CSMD1: variants seen among roughly 807,000 people sequenced by gnomAD.
CSMD1 encodes the protein CUB and sushi domain-containing protein 1.
Under a neutral mutation model 417.5 loss-of-function variants are expected in CSMD1, and 213 were observed. The observed-to-expected ratio is 0.51, with a 90% CI of 0.46 to 0.57. The LOEUF is 0.57. Among genes scored for constraint, CSMD1 ranks in the 20% least tolerant of loss-of-function variants. CSMD1 has a pLI of 0.00. For missense variants in CSMD1, 6,923 were observed against 4,529.7 expected (o/e 1.53, Z -15.17); for synonymous variants, 2,862 against 1,736.8 (o/e 1.65, Z -16.11).
At chr8:4,373,844 CTATGTA>C (rs1273644931) in intron 3 of CSMD1, among the ~76,000 whole-genome samples, 5 of 152,126 alleles carry the variant, frequency 3.3e-5, no homozygotes, top group African/African-American at 1.2e-4. Flanking sequence ...AGGAGCTTTT[CTATGTA>C]TATGTATAAT....
chr8:4,778,598 C>A (rs1020724350), intron 1 of CSMD1, among the ~76,000 whole-genome samples: 4 of 152,198 alleles, frequency 2.6e-5, no homozygotes, highest in Non-Finnish European at 5.9e-5. Flanking sequence ...AGAGGGAGGT[C>A]ATGTGCAGGT....
chr8:4,194,703 G>A (rs1045474380), intron 3 of CSMD1, among the ~76,000 whole-genome samples: 2 of 152,046 alleles, frequency 1.3e-5, no homozygotes, highest in Non-Finnish European at 2.9e-5. Flanking sequence ...AAAGCCATTT[G>A]CCAAAGTTCT....
At chr8:3,008,559 C>T (rs769215900) in intron 52 of CSMD1, among the ~76,000 whole-genome samples, 2 of 152,132 alleles carry the variant, frequency 1.3e-5, no homozygotes, top group African/African-American at 2.4e-5. Flanking sequence ...TTTGTTTGTT[C>T]GTTTCCAGTA....
chr8:4,395,244 T>C (rs1478196905), intron 3 of CSMD1, among the ~76,000 whole-genome samples: 1 of 152,190 alleles, frequency 6.6e-6, no homozygotes, highest in African/African-American at 2.4e-5. Flanking sequence ...CTGTTTATCT[T>C]CTTTTATCTT....
intron 7 of CSMD1, among the ~76,000 whole-genome samples, chr8:3,631,941 T>C (rs6983298): frequency 0.14 from 21,235 of 152,154 alleles, 1,653 homozygotes; most frequent in African/African-American, 0.19. Context: ...CCTCTTTGTA[T>C]GTTAACAAAT....
intron 1 of CSMD1, among the ~76,000 whole-genome samples, chr8:4,713,226 T>C (rs534468764): frequency 6.6e-6 from 1 of 152,208 alleles, no homozygotes; most frequent in Admixed American, 6.5e-5. Context: ...TAGTTTCAGA[T>C]TTATTAGCCA....
At chr8:4,835,913 T>C (rs1800449298) in intron 1 of CSMD1, among the ~76,000 whole-genome samples, 1 of 152,104 alleles carries the variant, frequency 6.6e-6, no homozygotes, top group Admixed American at 6.6e-5. Context: ...GAAATGTAAG[T>C]ACAGATTATA....
chr8:3,897,630 G>C (rs758063255), intron 5 of CSMD1, among the ~76,000 whole-genome samples: 10 of 151,566 alleles, frequency 6.6e-5, no homozygotes, highest in Non-Finnish European at 1.3e-4. Flanking sequence ...AAAATGGACT[G>C]CTGTAACACA....
At chr8:4,493,533 G>T (rs1007381994) in intron 2 of CSMD1, among the ~76,000 whole-genome samples, 2 of 151,860 alleles carry the variant, frequency 1.3e-5, no homozygotes, top group African/African-American at 4.8e-5. Flanking sequence ...CCATCTCTAC[G>T]AAAACATTTT....
intron 1 of CSMD1, among the ~76,000 whole-genome samples, chr8:4,830,749 G>A (rs1356198791): frequency 6.6e-6 from 1 of 152,186 alleles, no homozygotes; most frequent in Admixed American, 6.5e-5. Context: ...GGAACCATTG[G>A]ACTTTAAGAA....
Position 3,435,886 on chromosome 8 carries a change from A to C in CSMD1, c.1562-26281T>G, listed in dbSNP as rs188803915. On this transcript the variant is annotated intron_variant, in intron 12 of 69. Transcript: ENST00000635120. Reference sequence around the variant, plus strand: ...ACTTTGCTTCTGCCCCACTGGAAAGATCTTCCCCTTGGATGAGTCTTCCCC... The same window carrying C: ...ACTTTGCTTCTGCCCCACTGGAAAGCTCTTCCCCTTGGATGAGTCTTCCCC... Among the ~76,000 whole-genome samples, 21 of 152,324 alleles carry C rather than the reference A, an allele frequency of 1.4e-4. No homozygotes were observed. In the East Asian group the frequency reaches 1.9e-3, roughly 14 times the overall value.
intron 5 of CSMD1, among the ~76,000 whole-genome samples, chr8:3,965,954 G>T (rs1334545598): frequency 2.0e-5 from 3 of 152,126 alleles, no homozygotes; most frequent in African/African-American, 7.2e-5. Context: ...AACTGTCAAG[G>T]TCTTTTGAGA....
At chr8:4,039,991 G>C (rs1265114562) in intron 3 of CSMD1, among the ~76,000 whole-genome samples, 2 of 152,166 alleles carry the variant, frequency 1.3e-5, no homozygotes, top group Admixed American at 6.5e-5. Context: ...ACTCGGTACA[G>C]GTTAAGTGCC....
At chr8:3,010,214 G>A (rs1381385220) in intron 52 of CSMD1, among the ~76,000 whole-genome samples, 2 of 152,184 alleles carry the variant, frequency 1.3e-5, no homozygotes, top group African/African-American at 4.8e-5. Context: ...TACAATAGGA[G>A]AGCCTATCTT....
chr8:3,408,203 C>A lies in CSMD1; in HGVS notation c.1767G>T (p.Thr589=), dbSNP rs972093678. 13 of 1,605,268 alleles carry A rather than the reference C, an allele frequency of 8.1e-6. No homozygotes were observed. The East Asian group carries it at 2.9e-4, about 36-fold the overall frequency. Residue 589 remains threonine (T), a synonymous_variant, in exon 14 of 70, where the codon ACG becomes ACT. Coordinates refer to ENST00000635120, the MANE Select transcript of CSMD1 (RefSeq NM_033225.6). ...GTGACAGAATAATCCCAGATGATGC[C>A]GTAAAGTTGAAGAAACATGAAACTG... ...SCVFSCFFNF[T]ASSGIILSPN...
chr8:3,695,084 C>CTCCGTGTGTGTGTG (rs1351967789), intron 7 of CSMD1, among the ~76,000 whole-genome samples: 1 of 33,242 alleles, frequency 3.0e-5, no homozygotes, highest in Non-Finnish European at 6.4e-5. Context: ...ATTGGAGGCC[C>CTCCGTGTGTGTGTG]TGCGTGTGTG....
At chr8:4,323,086 A>G (rs919128126) in intron 3 of CSMD1, among the ~76,000 whole-genome samples, 3 of 145,490 alleles carry the variant, frequency 2.1e-5, no homozygotes, top group Admixed American at 6.7e-5. Flanking sequence ...CAGCGAAGGA[A>G]TGGAAAAATC....
At chr8:4,979,386 C>T (rs4477045) in intron 1 of CSMD1, among the ~76,000 whole-genome samples, 107,744 of 152,030 alleles carry the variant, frequency 0.71, 39,700 homozygotes, top group African/African-American at 0.89. Flanking sequence ...AGAAGTTTAA[C>T]ATTTTCCACG....
At chr8:3,082,848 G>A (rs1237753556) in intron 49 of CSMD1, among the ~76,000 whole-genome samples, 1 of 152,122 alleles carries the variant, frequency 6.6e-6, no homozygotes, top group East Asian at 1.9e-4. Flanking sequence ...AGCCTCAGAG[G>A]TAAAACCTGT....
Sources: allele counts gnomAD v4.1 joint callset (sites outside exome capture counted in the v4.1 genomes callset), GRCh38; gene constraint gnomAD v4.1.1; transcripts MANE v1.5; gene names NCBI Gene and HGNC (gene_info 2026-07-23, HGNC 2026-07-21).